The following EFEMP1 variants were observed in gnomAD, a reference collection of about 807,000 sequenced individuals.
EFEMP1 encodes the protein EGF-like fibulin extracellular matrix protein 1, also known as EGF-containing fibulin-like extracellular matrix protein 1.
Under a neutral mutation model 65.7 loss-of-function variants are expected in EFEMP1, and 18 were observed. The observed-to-expected ratio is 0.27, with a 90% CI of 0.19 to 0.41. The LOEUF is 0.41. Ranked by LOEUF, EFEMP1 falls within the 10% of genes least tolerant of loss-of-function variation. EFEMP1 has a pLI of 1.00. For missense variants in EFEMP1, 469 were observed against 624.8 expected (o/e 0.75, Z 2.66); for synonymous variants, 237 against 219.7 (o/e 1.08, Z -0.70).
chr2:55,881,867 T>C (rs1669256436), intron 5 of EFEMP1, 133 bp from the exon 6 acceptor site: 1 of 1,180,912 alleles, frequency 8.5e-7, no homozygotes, highest in Non-Finnish European at 1.2e-6. Context: ...TGGAAATGTT[T>C]AAAATTATAA....
intron 9 of EFEMP1, among the ~76,000 whole-genome samples, chr2:55,872,713 C>G (rs779801976): frequency 1.3e-5 from 2 of 152,240 alleles, no homozygotes; most frequent in Middle Eastern, 6.8e-3. Context: ...GCTAGGTAGT[C>G]TCCAAGAGAC....
At chr2:55,878,873 C>G (rs1360135026) in intron 6 of EFEMP1, among the ~76,000 whole-genome samples, 1 of 152,158 alleles carries the variant, frequency 6.6e-6, no homozygotes, top group African/African-American at 2.4e-5. Flanking sequence ...GGCAAAGTTA[C>G]TGGCACAAAG....
intron 5 of EFEMP1, among the ~76,000 whole-genome samples, chr2:55,889,702 G>C (rs1669559758): frequency 6.6e-6 from 1 of 152,030 alleles, no homozygotes; most frequent in African/African-American, 2.4e-5. Flanking sequence ...GAGGAATAGA[G>C]TTTAAATATT....
chr2:55,897,499 A>C (rs1424684877), intron 5 of EFEMP1, among the ~76,000 whole-genome samples: 1 of 152,224 alleles, frequency 6.6e-6, no homozygotes, highest in African/African-American at 2.4e-5. Flanking sequence ...TTCAGAATGG[A>C]AACTTAAATA....
In EFEMP1 at chr2:55,877,944, A is replaced by G. The variant is rs923437438; in HGVS notation, c.641-79T>C. 7 of 1,542,906 alleles carry G rather than the reference A, an allele frequency of 4.5e-6. 1 individual carries two copies. The African/African-American group carries it at 9.6e-5, about 21-fold the overall frequency. On this transcript the variant is annotated intron_variant, in intron 6 of 11. Coordinates refer to ENST00000355426, the MANE Select transcript of EFEMP1 (RefSeq NM_001039348.3). The surrounding 1 kb of genome is among the most constrained non-coding windows in gnomAD (Gnocchi z 4.5). Reference sequence around the variant, plus strand: ...CTGAAAAGCATTATCTAGAAAACCTATGTAGAGAAAATCTCTTTTTAAAAG... The same window carrying G: ...CTGAAAAGCATTATCTAGAAAACCTGTGTAGAGAAAATCTCTTTTTAAAAG...
chr2:55,922,991 A>G lies in EFEMP1; in HGVS notation c.-48-52T>C, dbSNP rs1670958530. 1 of 1,003,856 alleles carries G rather than the reference A, an allele frequency of 1.0e-6. No homozygotes were observed. The highest frequency in any genetic ancestry group is 1.2e-6 in the Non-Finnish European group (1 of 839,068). The allele number at this position is 1,003,856 out of a possible 1,614,324, so 62.2% of individuals were successfully genotyped here. A position where few individuals can be genotyped will look rare whatever the true frequency, so the allele number is the denominator to read the frequency against. ...CCTCAAGCTTTTTATTTTTTAAACA[A>G]AATAACAAAACAAAACTCGGAGAGC... On this transcript the variant is annotated intron_variant, in intron 1 of 11. Transcript: ENST00000355426. The surrounding 1 kb of genome is among the most constrained non-coding windows in gnomAD (Gnocchi z 5.5).
At chr2:55,912,999 A>G (rs1197424724) in intron 5 of EFEMP1, among the ~76,000 whole-genome samples, 1 of 152,226 alleles carries the variant, frequency 6.6e-6, no homozygotes, top group Non-Finnish European at 1.5e-5. Context: ...ACACTGGCAA[A>G]TGGGATCCCG....
chr2:55,889,011 T>C (rs1285944910), intron 5 of EFEMP1, among the ~76,000 whole-genome samples: 1 of 152,222 alleles, frequency 6.6e-6, no homozygotes, highest in Non-Finnish European at 1.5e-5. Flanking sequence ...GAATGGAGAC[T>C]GACTACATTC....
In EFEMP1 at chr2:55,870,978, C is replaced by T. The variant is rs1422860047; in HGVS notation, c.1124+22G>A. 1 of 1,613,716 alleles carries T rather than the reference C, an allele frequency of 6.2e-7. No homozygotes were observed. The highest frequency in any genetic ancestry group is 8.5e-7 in the Non-Finnish European group (1 of 1,179,780). ...GGTAAGACCAGAAAATCCTCACTTT[C>T]AAAAGTTCTGATTTTTCTTACTTCT... On this transcript the variant is annotated intron_variant, in intron 10 of 11. Transcript: ENST00000355426. This position sits in a 1 kb window ranked among gnomAD's most constrained non-coding sequence, Gnocchi z 5.8.
At chr2:55,914,680 A>G (rs1464988896) in intron 5 of EFEMP1, among the ~76,000 whole-genome samples, 2 of 152,230 alleles carry the variant, frequency 1.3e-5, no homozygotes, top group African/African-American at 4.8e-5. Flanking sequence ...CATAGAAAAA[A>G]GAAATAATTT....
intron 5 of EFEMP1, among the ~76,000 whole-genome samples, chr2:55,899,335 G>A (rs1669948186): frequency 6.6e-6 from 1 of 152,250 alleles, no homozygotes; most frequent in South Asian, 2.1e-4. Context: ...GTCCTTGTAA[G>A]AAAGGTGGTG....
chr2:55,909,743 T>C (rs1670412469), intron 5 of EFEMP1, among the ~76,000 whole-genome samples: 2 of 152,226 alleles, frequency 1.3e-5, no homozygotes, highest in African/African-American at 2.4e-5. Flanking sequence ...TGTCACATAC[T>C]AGTTTTACAT....
chr2:55,869,329 A>C (rs1184469714), intron 11 of EFEMP1, among the ~76,000 whole-genome samples: 1 of 152,182 alleles, frequency 6.6e-6, no homozygotes, highest in Non-Finnish European at 1.5e-5. Context: ...TTTAGGCTAG[A>C]ATTAGTTAAT....
At position 55,922,096 on chromosome 2, in the gene EFEMP1, T is replaced by A; in HGVS notation, c.81+264A>T. ...GGAAACATGTAACTTTCTTTGGTTT[T>A]AGTTTTTGAACGGATCCCATTTTTA... On this transcript the variant is annotated intron_variant, in intron 3 of 11. Coordinates refer to ENST00000355426, the MANE Select transcript of EFEMP1 (RefSeq NM_001039348.3). The surrounding 1 kb of genome is among the most constrained non-coding windows in gnomAD (Gnocchi z 5.5). The A allele has an allele frequency of 2.3e-6, 1 of 429,900 alleles. No homozygotes were observed. The highest frequency in any genetic ancestry group is 3.5e-5 in the Admixed American group (1 of 28,808). The allele number at this position is 429,900 out of a possible 1,614,324, so 26.6% of individuals were successfully genotyped here. A position where few individuals can be genotyped will look rare whatever the true frequency, so the allele number is the denominator to read the frequency against.
At chr2:55,889,422 G>T (rs1669550297) in intron 5 of EFEMP1, among the ~76,000 whole-genome samples, 1 of 152,070 alleles carries the variant, frequency 6.6e-6, no homozygotes, top group Non-Finnish European at 1.5e-5. Context: ...TTACTTTCTT[G>T]TGTGTATTTT....
chr2:55,911,053 G>T lies in EFEMP1; in HGVS notation c.517+6612C>A, dbSNP rs1670463432. On this transcript the variant is annotated intron_variant, in intron 5 of 11. Transcript: ENST00000355426. Reference sequence around the variant, plus strand: ...TGCCATAGCCAGAATAAAAATTAGAGTCTCACCTACTGACAATTTAAGAAT... The same window carrying T: ...TGCCATAGCCAGAATAAAAATTAGATTCTCACCTACTGACAATTTAAGAAT... Among the ~76,000 whole-genome samples the T allele has an allele frequency of 2.0e-5, 3 of 152,298 alleles. No individual in the cohort carries two copies. The South Asian group carries it at 6.2e-4, about 32-fold the overall frequency.
At chr2:55,905,567 C>T (rs1572835949) in intron 5 of EFEMP1, among the ~76,000 whole-genome samples, 1 of 152,220 alleles carries the variant, frequency 6.6e-6, no homozygotes, top group Middle Eastern at 3.4e-3. Flanking sequence ...CCTGTCTCAG[C>T]CTCCTGAGTA....
chr2:55,895,696 C>G (rs1040737876), intron 5 of EFEMP1, among the ~76,000 whole-genome samples: 1 of 151,956 alleles, frequency 6.6e-6, no homozygotes, highest in African/African-American at 2.4e-5. Context: ...CGCCCGCCAC[C>G]TCGCCCGGCT....
At chr2:55,915,010 T>C (rs72811714) in intron 5 of EFEMP1, among the ~76,000 whole-genome samples, 8,081 of 152,280 alleles carry the variant, frequency 0.053, 346 homozygotes, top group African/African-American at 0.12. Flanking sequence ...CAATAAGAAA[T>C]GGGCACAAGT....
Sources: allele counts gnomAD v4.1 joint callset (sites outside exome capture counted in the v4.1 genomes callset), GRCh38; gene constraint gnomAD v4.1.1; non-coding constraint Gnocchi (gnomAD v3.1); transcripts MANE v1.5; gene names NCBI Gene and HGNC (gene_info 2026-07-23, HGNC 2026-07-21).